The following SLAIN1 variants were observed in gnomAD, a reference collection of about 807,000 sequenced individuals.
SLAIN1 encodes the protein SLAIN motif-containing protein 1.
SLAIN1 carries 17 observed loss-of-function variants against 55.4 expected under a neutral mutation model. That is an observed-to-expected ratio of 0.31 (90% CI 0.21 to 0.46). The LOEUF is 0.46. SLAIN1 is among the 20% of genes least tolerant of loss of function. The pLI is 1.00. For synonymous variants in SLAIN1, 348 were observed against 337.4 expected (o/e 1.03, Z -0.35); for missense variants, 682 against 785.1 (o/e 0.87, Z 1.57).
intron 2 of SLAIN1, among the ~76,000 whole-genome samples, chr13:77,738,812 G>T (rs954781682): frequency 1.3e-5 from 2 of 152,024 alleles, no homozygotes; most frequent in Admixed American, 6.6e-5. Flanking sequence ...GCCAGATGCC[G>T]TGTACAGTAG....
intron 5 of SLAIN1, among the ~76,000 whole-genome samples, chr13:77,755,990 G>A (rs1298605679): frequency 6.6e-6 from 1 of 152,166 alleles, no homozygotes; most frequent in Non-Finnish European, 1.5e-5. Context: ...AGGTAGGATA[G>A]AGAGTTGGAA....
intron 1 of SLAIN1, among the ~76,000 whole-genome samples, chr13:77,715,795 T>G (rs535897644): frequency 6.6e-6 from 1 of 152,250 alleles, no homozygotes; most frequent in Non-Finnish European, 1.5e-5. Context: ...TATTTGTAGT[T>G]TCTTGTTTTC....
intron 2 of SLAIN1, among the ~76,000 whole-genome samples, chr13:77,726,601 G>A (rs1041368079): frequency 6.6e-6 from 1 of 152,010 alleles, no homozygotes; most frequent in African/African-American, 2.4e-5. Flanking sequence ...CAAATTTTTT[G>A]CAGGGTCAGG....
chr13:77,723,707 C>T (rs1347597010), intron 2 of SLAIN1, among the ~76,000 whole-genome samples: 1 of 152,040 alleles, frequency 6.6e-6, no homozygotes, highest in Non-Finnish European at 1.5e-5. Flanking sequence ...GTCTTTTATT[C>T]TTGGTATTCT....
intron 1 of SLAIN1, among the ~76,000 whole-genome samples, chr13:77,701,924 C>A (rs1278239893): frequency 2.4e-5 from 3 of 126,792 alleles, no homozygotes; most frequent in African/African-American, 8.9e-5. Context: ...CCCCTCCCCC[C>A]ACCCCACTAC....
At position 77,698,059 on chromosome 13, in the gene SLAIN1, G is replaced by C; in HGVS notation, c.146G>C (p.Arg49Pro). ...LEKQNEQLRS[R>P]AASAAAAPHL... is the part of the protein sequence containing the mutation. ...AAGCAGAACGAGCAGCTGCGGAGTC[G>C]AGCGGCCAGCGCGGCCGCCGCCCCG... Residue 49 changes from arginine (R) to proline (P), a missense_variant, in exon 1 of 7, where the codon CGA becomes CCA. By Grantham distance (103) the Arg-to-Pro change is moderately radical. This residue lies in a region of SLAIN1 where 401 missense variants were observed against 417.3 expected (regional missense o/e 0.96). Coordinates refer to ENST00000418532, the MANE Select transcript of SLAIN1 (RefSeq NM_001242868.2). The surrounding 1 kb of genome is among the most constrained non-coding windows in gnomAD (Gnocchi z 4.1). 2 of 1,362,636 alleles carry C rather than the reference G, an allele frequency of 1.5e-6. No homozygotes were observed. The highest frequency in any genetic ancestry group is 1.5e-5 in the African/African-American group (1 of 65,576). The allele number at this position is 1,362,636 out of a possible 1,614,324, so 84.4% of individuals were successfully genotyped here. A position where few individuals can be genotyped will look rare whatever the true frequency, so the allele number is the denominator to read the frequency against.
At chr13:77,754,772 G>A (rs567646356) in intron 5 of SLAIN1, among the ~76,000 whole-genome samples, 1 of 152,220 alleles carries the variant, frequency 6.6e-6, no homozygotes, top group South Asian at 2.1e-4. Flanking sequence ...CTATTAATAT[G>A]TTTGTCTTCC....
chr13:77,746,677 T>A lies in SLAIN1; in HGVS notation c.1080T>A (p.Arg360=), dbSNP rs2154410500. The A allele has an allele frequency of 6.2e-7, 1 of 1,613,778 alleles. No homozygotes were observed. The highest frequency in any genetic ancestry group is 2.2e-5 in the East Asian group (1 of 44,868). ...EFDHLPPPQP[R]LPRCSPFQRG... ...ATCATTTGCCACCACCTCAGCCTCGTCTTCCAAGATGTTCCCCTTTCCAAA... is the reference window on the plus strand; with the variant it reads ...ATCATTTGCCACCACCTCAGCCTCGACTTCCAAGATGTTCCCCTTTCCAAA... Residue 360 remains arginine, a synonymous_variant, in exon 4 of 7, where the codon CGT becomes CGA. Transcript: ENST00000418532.
At chr13:77,712,410 T>C (rs957069816) in intron 1 of SLAIN1, among the ~76,000 whole-genome samples, 4 of 152,124 alleles carry the variant, frequency 2.6e-5, no homozygotes, top group Non-Finnish European at 4.4e-5. Context: ...ATCACAAGTA[T>C]TTCTATACAC....
chr13:77,698,771 G>A lies in SLAIN1; in HGVS notation c.626+232G>A, dbSNP rs183900611. On this transcript the variant is annotated intron_variant, in intron 1 of 6. Coordinates refer to ENST00000418532, the MANE Select transcript of SLAIN1 (RefSeq NM_001242868.2). The surrounding 1 kb of genome is among the most constrained non-coding windows in gnomAD (Gnocchi z 4.1). The stretch of plus-strand genomic sequence containing the variant: ...TAATCGCTCCGACTGCGGATGAACC[G>A]GCCCCCCCTTCCCCCCATCTGCCAT... The A allele has an allele frequency of 3.9e-4, 470 of 1,196,308 alleles. 1 individual carries two copies. In the African/African-American group the frequency reaches 6.4e-3, roughly 16 times the overall value. 74.1% of individuals were successfully genotyped at this position (1,196,308 alleles called of 1,614,324 possible).
At chr13:77,711,349 G>C (rs555273719) in intron 1 of SLAIN1, among the ~76,000 whole-genome samples, 4 of 152,252 alleles carry the variant, frequency 2.6e-5, no homozygotes, top group Admixed American at 1.3e-4. Context: ...AAGAAGAAAA[G>C]AGAGAAGAAT....
chr13:77,707,794 G>A (rs533974522), intron 1 of SLAIN1, among the ~76,000 whole-genome samples: 1 of 152,328 alleles, frequency 6.6e-6, no homozygotes, highest in East Asian at 1.9e-4. Context: ...TCCATTTAAT[G>A]TTTGGTTAAG....
At chr13:77,726,452 G>A (rs2091309039) in intron 2 of SLAIN1, among the ~76,000 whole-genome samples, 1 of 151,804 alleles carries the variant, frequency 6.6e-6, no homozygotes, top group Admixed American at 6.6e-5. Context: ...TTAAAGACAG[G>A]GTCTTACTCT....
chr13:77,709,363 C>T (rs2091123136), intron 1 of SLAIN1, among the ~76,000 whole-genome samples: 1 of 152,128 alleles, frequency 6.6e-6, no homozygotes, highest in South Asian at 2.1e-4. Flanking sequence ...GAGACCTTTC[C>T]CAACCTAGCA....
chr13:77,738,853 A>G (rs750233720), intron 2 of SLAIN1, among the ~76,000 whole-genome samples: 10 of 152,082 alleles, frequency 6.6e-5, no homozygotes, highest in Non-Finnish European at 1.5e-4. Context: ...AACGGCCCAA[A>G]CAGAATTGCA....
At chr13:77,722,343 G>A (rs1156620421) in intron 2 of SLAIN1, among the ~76,000 whole-genome samples, 1 of 151,990 alleles carries the variant, frequency 6.6e-6, no homozygotes, top group Non-Finnish European at 1.5e-5. Context: ...GTTTACTGGA[G>A]AAAATTCTTT....
At chr13:77,717,212 G>C (rs1594260692) in intron 1 of SLAIN1, among the ~76,000 whole-genome samples, 2 of 152,218 alleles carry the variant, frequency 1.3e-5, no homozygotes, top group Middle Eastern at 3.4e-3. Flanking sequence ...TAATGGTGAA[G>C]TTAGACTCAA....
intron 2 of SLAIN1, among the ~76,000 whole-genome samples, chr13:77,720,989 C>T (rs544241261): frequency 5.3e-5 from 8 of 152,142 alleles, no homozygotes; most frequent in South Asian, 2.1e-4. Flanking sequence ...ATCTCAGAGT[C>T]GGAGGCTGTA....
At chr13:77,711,769 A>G (rs1384049285) in intron 1 of SLAIN1, among the ~76,000 whole-genome samples, 3 of 152,112 alleles carry the variant, frequency 2.0e-5, no homozygotes, top group African/African-American at 7.2e-5. Context: ...AGAGACACAA[A>G]TAAAAAAGAA....
Sources: gnomAD v4.1 joint callset for allele counts (sites outside exome capture counted in the v4.1 genomes callset) on GRCh38, gnomAD v4.1.1 for gene constraint, gnomAD v4.1.1 regional missense constraint, Gnocchi (gnomAD v3.1) non-coding constraint, MANE v1.5 for transcripts, NCBI Gene and HGNC (gene_info 2026-07-23, HGNC 2026-07-21) for gene names.